Variants in LPP observed in about 807,000 individuals in gnomAD.
LPP encodes lipoma-preferred partner.
A neutral mutation model predicts 60.4 loss-of-function variants in LPP; 38 were observed. That is an observed-to-expected ratio of 0.63 (90% CI 0.49 to 0.83). LPP has a LOEUF of 0.83. LPP is among the 40% of genes least tolerant of loss of function. The probability of loss-of-function intolerance (pLI) is 0.00; values close to 1 mark genes in which losing one functional copy is unlikely to be tolerated. For synonymous variants in LPP, 328 were observed against 290.8 expected (o/e 1.13, Z -1.30); for missense variants, 902 against 783.6 (o/e 1.15, Z -1.80).
chr3:188,555,798 T>C (rs972737140), intron 6 of LPP, among the ~76,000 whole-genome samples: 2 of 152,082 alleles, frequency 1.3e-5, no homozygotes, highest in Non-Finnish European at 2.9e-5. Flanking sequence ...GACAGCTGTA[T>C]ATTTGAGTCT....
chr3:188,416,548 T>C (rs1412744484), intron 4 of LPP, among the ~76,000 whole-genome samples: 1 of 152,164 alleles, frequency 6.6e-6, no homozygotes, highest in Non-Finnish European at 1.5e-5. Flanking sequence ...GTCCTGAGAG[T>C]GTACTCTTCC....
At chr3:188,617,321 A>C (rs1845043311) in intron 7 of LPP, among the ~76,000 whole-genome samples, 1 of 152,184 alleles carries the variant, frequency 6.6e-6, no homozygotes, top group Non-Finnish European at 1.5e-5. Flanking sequence ...CCTCATGTGA[A>C]TGCAAAATGT....
intron 8 of LPP, among the ~76,000 whole-genome samples, chr3:188,748,505 C>T (rs981504117): frequency 3.3e-5 from 5 of 152,058 alleles, no homozygotes; most frequent in South Asian, 2.1e-4. Flanking sequence ...AACAACAGGC[C>T]GGGCACAGCG....
chr3:188,308,463 G>C (rs1441583749), intron 2 of LPP, among the ~76,000 whole-genome samples: 2 of 152,186 alleles, frequency 1.3e-5, no homozygotes, highest in Non-Finnish European at 2.9e-5. Flanking sequence ...GATTTAAACA[G>C]TTACTGATAA....
At chr3:188,786,286 G>A (rs1741833408) in intron 9 of LPP, among the ~76,000 whole-genome samples, 1 of 150,432 alleles carries the variant, frequency 6.6e-6, no homozygotes, top group Non-Finnish European at 1.5e-5. Flanking sequence ...GGGAGGCTGA[G>A]GCAGGAGCAT....
chr3:188,830,085 T>C (rs1400172227), intron 9 of LPP, among the ~76,000 whole-genome samples: 1 of 151,564 alleles, frequency 6.6e-6, no homozygotes, highest in Non-Finnish European at 1.5e-5. Context: ...ATGTAAGAGA[T>C]ATGAAATAAG....
chr3:188,405,334 C>T (rs1783198954), intron 3 of LPP, among the ~76,000 whole-genome samples: 1 of 152,164 alleles, frequency 6.6e-6, no homozygotes, highest in South Asian at 2.1e-4. Flanking sequence ...TTCAGTGGTT[C>T]CTTAATGCCT....
chr3:188,820,479 G>A (rs549468574), intron 9 of LPP, among the ~76,000 whole-genome samples: 2 of 152,240 alleles, frequency 1.3e-5, no homozygotes, highest in South Asian at 4.1e-4. Flanking sequence ...TGGTATAAAA[G>A]GAGGAATACT....
chr3:188,785,454 AT>A lies in LPP; in HGVS notation c.1410+25173del, dbSNP rs1381362739. 2.6e-3 allele frequency among the ~76,000 whole-genome samples: 96 copies of A among 36,774 alleles called. 20 individuals are homozygous for A. Among genetic ancestry groups the A allele is most frequent in the African/African-American group, 0.012 (85 of 6,854 alleles). 24.1% of individuals were successfully genotyped at this position (36,774 alleles called of 152,430 possible). ...ATATTCCATCATATATATATATTCC[AT>A]CATATATATATATTCCATCATATAT... On this transcript the variant is annotated intron_variant, in intron 9 of 11. Transcript: ENST00000617246.
chr3:188,714,346 C>T (rs1277358331), intron 8 of LPP, among the ~76,000 whole-genome samples: 1 of 152,128 alleles, frequency 6.6e-6, no homozygotes, highest in African/African-American at 2.4e-5. Context: ...ATCTGGACTT[C>T]GATGTCACTG....
At chr3:188,406,429 G>T (rs1302818384) in intron 4 of LPP, 116 bp downstream of exon 4, 7 of 937,194 alleles carry the variant, frequency 7.5e-6, no homozygotes, top group Non-Finnish European at 9.6e-6. Flanking sequence ...CAGCGTGGGT[G>T]TCATAGGCTA....
chr3:188,640,037 C>T (rs1401141135), intron 7 of LPP, among the ~76,000 whole-genome samples: 2 of 151,826 alleles, frequency 1.3e-5, no homozygotes, highest in African/African-American at 4.8e-5. Flanking sequence ...CAAAGGACTA[C>T]AAATCATGCT....
intron 6 of LPP, among the ~76,000 whole-genome samples, chr3:188,571,790 T>A (rs577715328): frequency 1.5e-4 from 23 of 152,208 alleles, no homozygotes; most frequent in African/African-American, 5.5e-4. Context: ...ATGCCTCAAT[T>A]CCTGACTTCA....
At chr3:188,441,609 CTTTTTTTTTTT>C (rs1004222826) in intron 4 of LPP, among the ~76,000 whole-genome samples, 31 of 55,670 alleles carry the variant, frequency 5.6e-4, no homozygotes, top group South Asian at 1.7e-3. Flanking sequence ...CTTTTCTTTT[CTTTTTTTTTTT>C]TTTTTTTTTT....
chr3:188,469,655 C>G (rs1801322370), intron 4 of LPP, among the ~76,000 whole-genome samples: 1 of 152,038 alleles, frequency 6.6e-6, no homozygotes, highest in East Asian at 1.9e-4. Flanking sequence ...GCTTCTAGGA[C>G]TTTGTTTTGT....
chr3:188,288,818 A>AACCC (rs1553851074), intron 2 of LPP, among the ~76,000 whole-genome samples: 1 of 27,096 alleles, frequency 3.7e-5, no homozygotes, highest in Non-Finnish European at 6.8e-5. Context: ...TCCACCCCCC[A>AACCC]CCCCCCACCC....
intron 6 of LPP, among the ~76,000 whole-genome samples, chr3:188,605,635 C>G (rs115269308): frequency 6.6e-6 from 1 of 151,930 alleles, no homozygotes; most frequent in Non-Finnish European, 1.5e-5. Context: ...TGGAGACAAT[C>G]GAGAGACAAA....
chr3:188,235,521 T>G (rs1721582742), intron 2 of LPP, among the ~76,000 whole-genome samples: 1 of 152,110 alleles, frequency 6.6e-6, no homozygotes, highest in Non-Finnish European at 1.5e-5. Flanking sequence ...TTTAGACATG[T>G]TTTTGTGTAC....
intron 1 of LPP, among the ~76,000 whole-genome samples, chr3:188,175,841 A>G (rs344959): frequency 0.053 from 7,840 of 148,296 alleles, 261 homozygotes; most frequent in African/African-American, 0.12. Context: ...TGTACATGTT[A>G]ATTTTTTTTT....
Sources: gnomAD v4.1 joint callset for allele counts (sites outside exome capture counted in the v4.1 genomes callset) on GRCh38, gnomAD v4.1.1 for gene constraint, MANE v1.5 for transcripts, NCBI Gene and HGNC (gene_info 2026-07-23, HGNC 2026-07-21) for gene names.